Variants in ATRN observed in about 807,000 individuals in gnomAD.
The protein encoded by ATRN is attractin.
Under a neutral mutation model 178.7 loss-of-function variants are expected in ATRN, and 54 were observed. The ratio of observed to expected loss-of-function variants is 0.30; its 90% confidence interval spans 0.24 to 0.38. ATRN has a LOEUF of 0.38. ATRN is among the 10% of genes least tolerant of loss of function. ATRN has a pLI of 1.00. For synonymous variants in ATRN, 636 were observed against 663.0 expected, an observed-to-expected ratio of 0.96 and a Z score of 0.63; for missense variants, 1,443 against 1,815.1, an observed-to-expected ratio of 0.79 and a Z score of 3.73.
rs376306049 is a variant in ATRN, at chr20:3,583,873, T to C, written c.2765-25T>C. The C allele has an allele frequency of 8.7e-6, 14 of 1,602,732 alleles. No individual in the cohort carries two copies. The African/African-American group carries it at 1.7e-4, about 20-fold the overall frequency. ...TAGCGGACATGGTGGGAGCTCTAAGTGTCTCTCTTGGGTTTCATTCCCAGC... is the reference window on the plus strand; with the variant it reads ...TAGCGGACATGGTGGGAGCTCTAAGCGTCTCTCTTGGGTTTCATTCCCAGC... On this transcript the variant is annotated intron_variant, in intron 16 of 28. Transcript: ENST00000262919.
rs747177368 is a variant in ATRN at position 3,560,784 on chromosome 20, T to C, written c.1326T>C (p.Tyr442=). 9.3e-6 allele frequency: 15 copies of C among 1,614,076 alleles called. No individual in the cohort carries two copies. The highest frequency in any genetic ancestry group is 1.7e-5 in the Admixed American group (1 of 60,002). The change falls in exon 8 of 29, where the codon TAT becomes TAC. Residue 442 remains tyrosine, a synonymous_variant. Transcript: ENST00000262919. The part of the protein sequence containing the change: ...VLLTPKAKEQ[Y]AVVGHSAHIV... ...TGACCCCTAAGGCAAAGGAGCAGTATGCAGTGGTTGGGCACTCTGCACACA... is the reference window on the plus strand; with the variant it reads ...TGACCCCTAAGGCAAAGGAGCAGTACGCAGTGGTTGGGCACTCTGCACACA...
At chr20:3,630,466 A>G (rs1600169651) in intron 25 of ATRN, among the ~76,000 whole-genome samples, 1 of 151,962 alleles carries the variant, frequency 6.6e-6, no homozygotes, top group Admixed American at 6.6e-5. Context: ...ATAGGCACCA[A>G]CCTCTCAGGG....
In ATRN at chr20:3,545,752, T is replaced by C. The variant is rs1405098362; in HGVS notation, c.609-10T>C. ...TGCTTCCCTCTATAAGAAGTGTGTT[T>C]TCATTTCAGTGGCCTCATTGTTCCT... On this transcript the variant is annotated splice_polypyrimidine_tract_variant and intron_variant, in intron 3 of 28. Transcript: ENST00000262919. The C allele has an allele frequency of 4.3e-6, 7 of 1,613,496 alleles. No individual in the cohort carries two copies. The highest frequency in any genetic ancestry group is 5.9e-6 in the Non-Finnish European group (7 of 1,179,748).
intron 19 of ATRN, among the ~76,000 whole-genome samples, chr20:3,591,913 G>A (rs539616065): frequency 9.2e-5 from 14 of 152,308 alleles, no homozygotes; most frequent in Non-Finnish European, 1.5e-4. Flanking sequence ...GTGAAGGAGC[G>A]TGACCCGTGA....
rs186401259 is a variant in ATRN, at chr20:3,500,647, G to A, written c.410+29130G>A. Reference sequence around the variant, plus strand: ...TGGGAATTGAACAGTGAGAACTCATGTACACAGGAAGGGGAACATCACACT... The same window carrying A: ...TGGGAATTGAACAGTGAGAACTCATATACACAGGAAGGGGAACATCACACT... On this transcript the variant is annotated intron_variant, in intron 1 of 28. Coordinates refer to ENST00000262919, the MANE Select transcript of ATRN (RefSeq NM_139321.3). 6.4e-5 allele frequency among the ~76,000 whole-genome samples: 9 copies of A among 141,476 alleles called. No homozygotes were observed. In the East Asian group the frequency reaches 1.9e-3, roughly 31 times the overall value. 92.8% of individuals were successfully genotyped at this position (141,476 alleles called of 152,430 possible).
intron 23 of ATRN, among the ~76,000 whole-genome samples, chr20:3,602,053 G>A (rs2086617376): frequency 1.3e-5 from 2 of 152,080 alleles, no homozygotes; most frequent in South Asian, 4.1e-4. Flanking sequence ...TCCTGGCAGG[G>A]CGTGATAGCT....
chr20:3,619,374 G>C (rs946439799), intron 24 of ATRN, among the ~76,000 whole-genome samples: 2 of 152,180 alleles, frequency 1.3e-5, no homozygotes, highest in Admixed American at 1.3e-4. Context: ...GGAAACTCTG[G>C]TATTGACTTA....
At chr20:3,561,887 C>T (rs375716800) in intron 8 of ATRN, among the ~76,000 whole-genome samples, 13 of 152,142 alleles carry the variant, frequency 8.5e-5, no homozygotes, top group Admixed American at 8.5e-4. Context: ...GCCACCACTC[C>T]TGGCTAATTT....
chr20:3,634,136 C>T (rs1245840985), intron 25 of ATRN, among the ~76,000 whole-genome samples, 175 bp from the exon 26 acceptor site: 5 of 152,146 alleles, frequency 3.3e-5, no homozygotes, highest in Admixed American at 6.5e-5. Flanking sequence ...CCTGGCTTAC[C>T]GAAGTTGTCT....
intron 11 of ATRN, among the ~76,000 whole-genome samples, chr20:3,571,850 T>C (rs1443137296): frequency 3.9e-5 from 6 of 152,202 alleles, no homozygotes. Flanking sequence ...GATTTTTCAA[T>C]CTTCTTTTCC....
intron 1 of ATRN, among the ~76,000 whole-genome samples, chr20:3,515,300 A>G (rs1018641053): frequency 3.3e-5 from 5 of 152,174 alleles, no homozygotes; most frequent in Admixed American, 2.6e-4. Flanking sequence ...TTAAAAATGT[A>G]TATAGGTGGT....
At position 3,520,802 on chromosome 20, in the gene ATRN, G is replaced by A. The variant is rs544833960; in HGVS notation, c.411-14451G>A. Among the ~76,000 whole-genome samples, 4 of 152,202 alleles carry A rather than the reference G, an allele frequency of 2.6e-5. No homozygotes were observed. The South Asian group carries it at 6.2e-4, about 24-fold the overall frequency. ...ATGAGCCAGCGTACCTGGCCTGCAC[G>A]CCAACTTTATCACACTAGTAAAATA... On this transcript the variant is annotated intron_variant, in intron 1 of 28. Coordinates refer to ENST00000262919, the MANE Select transcript of ATRN (RefSeq NM_139321.3).
At position 3,646,704 on chromosome 20, in the gene ATRN, T is replaced by G; in HGVS notation, c.4166-19T>G. The G allele has an allele frequency of 3.2e-6, 5 of 1,582,910 alleles. No homozygotes were observed. The highest frequency in any genetic ancestry group is 4.3e-6 in the Non-Finnish European group (5 of 1,164,434). ...AGCCAGCTGCTCCCAGCATATGTTC[T>G]CTCTGTGGTTCTCCCAAGGTCTTGC... On this transcript the variant is annotated intron_variant, in intron 28 of 28. Transcript: ENST00000262919.
intron 24 of ATRN, among the ~76,000 whole-genome samples, chr20:3,624,163 T>C (rs1421060852): frequency 1.3e-5 from 2 of 152,182 alleles, no homozygotes; most frequent in Non-Finnish European, 2.9e-5. Flanking sequence ...GAATTGGTAC[T>C]GAGGCAAACA....
At chr20:3,514,165 AG>A (rs2085175358) in intron 1 of ATRN, among the ~76,000 whole-genome samples, 1 of 152,162 alleles carries the variant, frequency 6.6e-6, no homozygotes, top group African/African-American at 2.4e-5. Context: ...CACCCTCAGG[AG>A]GATATTATTA....
At chr20:3,539,021 C>A (rs752930503) in intron 2 of ATRN, among the ~76,000 whole-genome samples, 8 of 152,224 alleles carry the variant, frequency 5.3e-5, no homozygotes, top group Non-Finnish European at 1.0e-4. Context: ...TATCTCCCTA[C>A]GACTTTTTGC....
intron 1 of ATRN, among the ~76,000 whole-genome samples, chr20:3,482,730 G>A (rs2084638767): frequency 6.6e-6 from 1 of 152,172 alleles, no homozygotes; most frequent in Non-Finnish European, 1.5e-5. Context: ...TCTTTTGATA[G>A]ATGACATGAC....
intron 16 of ATRN, among the ~76,000 whole-genome samples, chr20:3,583,267 T>C (rs1376333078): frequency 3.3e-5 from 5 of 152,222 alleles, no homozygotes; most frequent in Admixed American, 2.6e-4. Context: ...ATTTTACATA[T>C]TCAAGTGGAT....
rs562720134 is a variant in ATRN, at chr20:3,476,386, C to T, written c.410+4869C>T. 1.5e-3 allele frequency among the ~76,000 whole-genome samples: 227 copies of T among 152,202 alleles called. 2 individuals carry two copies. The highest frequency in any genetic ancestry group is 1.6e-4 in the Non-Finnish European group (11 of 68,024). ...TTTGGCGTCTCATTTTTTTCTGAGT[C>T]CAGTCACTCTTTATGGACGTTCTTT... is the stretch of plus-strand genomic sequence containing the variant. On this transcript the variant is annotated intron_variant, in intron 1 of 28. Coordinates refer to ENST00000262919, the MANE Select transcript of ATRN (RefSeq NM_139321.3).
Sources: gnomAD v4.1 joint callset for allele counts (sites outside exome capture counted in the v4.1 genomes callset) on GRCh38, gnomAD v4.1.1 for gene constraint, MANE v1.5 for transcripts, NCBI Gene and HGNC (gene_info 2026-07-23, HGNC 2026-07-21) for gene names.